Variants in GCLC observed in about 807,000 individuals in gnomAD.
The protein encoded by GCLC is glutamate--cysteine ligase catalytic subunit.
A neutral mutation model predicts 81.5 loss-of-function variants in GCLC; 30 were observed. The ratio of observed to expected loss-of-function variants is 0.37; its 90% CI spans 0.28 to 0.50. GCLC has a LOEUF of 0.50. Ranked by LOEUF, GCLC falls within the 20% of genes least tolerant of loss-of-function variation. The pLI is 0.96. For synonymous variants in GCLC, 262 were observed against 273.3 expected (o/e 0.96, Z 0.41); for missense variants, 556 against 777.4 (o/e 0.72, Z 3.39).
At chr6:53,537,636 A>C (rs144269445) in intron 1 of GCLC, among the ~76,000 whole-genome samples, 665 of 150,994 alleles carry the variant, frequency 4.4e-3, no homozygotes, top group Non-Finnish European at 7.6e-3. Flanking sequence ...TAAATAAATA[A>C]ATACATAAAT....
chr6:53,540,706 A>ACAC (rs1561953695), intron 1 of GCLC, among the ~76,000 whole-genome samples: 3 of 119,300 alleles, frequency 2.5e-5, no homozygotes, highest in Non-Finnish European at 3.4e-5. Context: ...CACACACACA[A>ACAC]AAGTCCTGGT....
In GCLC at chr6:53,506,277, G is replaced by T; in HGVS notation, c.1198-382C>A. 1 of 302,528 alleles carries T rather than the reference G, an allele frequency of 3.3e-6. No individual in the cohort carries two copies. 18.7% of individuals were successfully genotyped at this position (302,528 alleles called of 1,614,324 possible). On this transcript the variant is annotated intron_variant, in intron 10 of 15. Coordinates refer to ENST00000650454, the MANE Select transcript of GCLC (RefSeq NM_001498.4). This position sits in a 1 kb window ranked among gnomAD's most constrained non-coding sequence, Gnocchi z 4.0. ...CTGAGAACCCTGTCACATGACAGTT[G>T]TTTCCTTTCTTCCTCCTCTCCTGGG...
chr6:53,504,090 G>T (rs1228736660), intron 12 of GCLC, among the ~76,000 whole-genome samples: 1 of 152,194 alleles, frequency 6.6e-6, no homozygotes, highest in Non-Finnish European at 1.5e-5. Flanking sequence ...CAGCTACCTG[G>T]AAGGCTGAGG....
At chr6:53,512,365 T>C (rs1049532756) in intron 6 of GCLC, among the ~76,000 whole-genome samples, 2 of 152,134 alleles carry the variant, frequency 1.3e-5, no homozygotes, top group African/African-American at 4.8e-5. Flanking sequence ...AAAATTACTT[T>C]AAAACTATTT....
At chr6:53,502,290 A>G (rs1764528690) in intron 12 of GCLC, among the ~76,000 whole-genome samples, 1 of 152,220 alleles carries the variant, frequency 6.6e-6, no homozygotes, top group Non-Finnish European at 1.5e-5. Context: ...ACTGAGTAAC[A>G]TGCAAGGTAC....
At chr6:53,530,642 T>C (rs965121036) in intron 1 of GCLC, among the ~76,000 whole-genome samples, 1 of 152,190 alleles carries the variant, frequency 6.6e-6, no homozygotes, top group Non-Finnish European at 1.5e-5. Context: ...TGCAGTCACA[T>C]TACTAAACTT....
At position 53,505,418 on chromosome 6, in the gene GCLC, A is replaced by G. The variant is rs1764594483; in HGVS notation, c.1369T>C (p.Leu457=). Residue 457 remains leucine, a synonymous_variant, in exon 12 of 16, where the codon TTG becomes CTG. Transcript: ENST00000650454. ...TTTGACAGTGGAATGAGAAAATCCA[A>G]TTTGTAGGAAAGGATCACTCTGGTG... ...LLTRVILSYK[L]DFLIPLSKVD... is the part of the protein sequence containing the mutation. 2 of 1,592,774 alleles carry G rather than the reference A, an allele frequency of 1.3e-6. No individual in the cohort carries two copies. Among genetic ancestry groups the G allele is most frequent in the African/African-American group, 1.3e-5 (1 of 74,492 alleles).
chr6:53,533,149 A>G (rs897839071), intron 1 of GCLC, among the ~76,000 whole-genome samples: 4 of 152,238 alleles, frequency 2.6e-5, no homozygotes, highest in Non-Finnish European at 4.4e-5. Context: ...GTTTCACTAC[A>G]CACCAGTGAT....
intron 4 of GCLC, among the ~76,000 whole-genome samples, chr6:53,514,701 G>C (rs17883806): frequency 0.014 from 2,187 of 152,274 alleles, 25 homozygotes; most frequent in Middle Eastern, 0.085. Context: ...CAATTCTTTG[G>C]CTCCTGCTCG....
chr6:53,511,947 C>CTTT (rs535000790), intron 6 of GCLC, among the ~76,000 whole-genome samples: 6 of 113,516 alleles, frequency 5.3e-5, no homozygotes, highest in East Asian at 2.4e-4. Context: ...GAACTTAGTG[C>CTTT]TTTTTTTTTT....
chr6:53,499,975 A>G, intron 15 of GCLC, 70 bp downstream of exon 15: 1 of 1,152,106 alleles, frequency 8.7e-7, no homozygotes, highest in Non-Finnish European at 1.3e-6. Flanking sequence ...AGACTACTTT[A>G]AGAAATTGAA....
intron 9 of GCLC, 76 bp downstream of exon 9, chr6:53,507,404 C>T: frequency 1.4e-6 from 2 of 1,472,102 alleles, no homozygotes; most frequent in Non-Finnish European, 1.9e-6. Context: ...GACCAGGAGT[C>T]AGCAAAAAAG....
At chr6:53,539,297 C>A (rs746673848) in intron 1 of GCLC, among the ~76,000 whole-genome samples, 67 of 152,192 alleles carry the variant, frequency 4.4e-4, no homozygotes, top group Non-Finnish European at 8.2e-4. Flanking sequence ...GTTGGAACTT[C>A]TGTTTCCCAC....
intron 7 of GCLC, 145 bp downstream of exon 7, chr6:53,509,031 T>C (rs933772855): frequency 9.0e-6 from 6 of 668,570 alleles, no homozygotes; most frequent in Admixed American, 2.2e-5. Flanking sequence ...CAGTTCATTA[T>C]ACCTAAACCT....
chr6:53,513,983 A>G (rs1229932295), intron 6 of GCLC: 7 of 592,950 alleles, frequency 1.2e-5, no homozygotes, highest in Non-Finnish European at 2.1e-5. Context: ...TATATACCGT[A>G]TATACCTTTG....
chr6:53,508,681 G>C lies in GCLC; in HGVS notation c.859C>G (p.Arg287Gly). 1 of 1,613,312 alleles carries C rather than the reference G, an allele frequency of 6.2e-7. No homozygotes were observed. The highest frequency in any genetic ancestry group is 8.5e-7 in the Non-Finnish European group (1 of 1,179,382). ...CAATCAATGTCTGACACATAGCCTC[G>C]GTAAAAGGGAGATGCAGCACTCAAA... ...MALSAASPFY[R>G]GYVSDIDCRW... Residue 287 changes from arginine to glycine, a missense_variant, in exon 8 of 16, where the codon CGA (arginine) becomes GGA (glycine). Around this residue, in one of 3 missense-constraint regions of GCLC, gnomAD observed 313 missense variants for 437.3 expected, o/e 0.72. Transcript: ENST00000650454.
intron 12 of GCLC, chr6:53,503,450 A>G (rs1373095707): frequency 6.6e-6 from 1 of 152,234 alleles, no homozygotes; most frequent in Non-Finnish European, 1.5e-5. Flanking sequence ...AACTTGATCC[A>G]TTCAGTTTTG....
intron 1 of GCLC, among the ~76,000 whole-genome samples, chr6:53,541,614 G>T (rs186669767): frequency 6.6e-6 from 1 of 151,520 alleles, no homozygotes; most frequent in Non-Finnish European, 1.5e-5. Flanking sequence ...AGTAGGGTGG[G>T]GGGGCGGTGG....
intron 1 of GCLC, among the ~76,000 whole-genome samples, chr6:53,525,676 T>C (rs1222581039): frequency 6.6e-6 from 1 of 152,210 alleles, no homozygotes; most frequent in Non-Finnish European, 1.5e-5. Context: ...TTTACACATA[T>C]ATACAACTCC....
Sources: allele counts gnomAD v4.1 joint callset (sites outside exome capture counted in the v4.1 genomes callset), GRCh38; gene constraint gnomAD v4.1.1; regional missense constraint gnomAD v4.1.1; non-coding constraint Gnocchi (gnomAD v3.1); transcripts MANE v1.5; gene names NCBI Gene and HGNC (gene_info 2026-07-23, HGNC 2026-07-21).